RABGEF1: variants seen among roughly 807,000 people sequenced by gnomAD.
RABGEF1 encodes the protein RAB guanine nucleotide exchange factor 1, also known as rab5 GDP/GTP exchange factor.
RABGEF1 carries 26 observed loss-of-function variants against 57.3 expected under a neutral mutation model. The ratio of observed to expected loss-of-function variants is 0.45; its 90% CI spans 0.33 to 0.63. The LOEUF (loss-of-function observed/expected upper bound fraction) is 0.63. RABGEF1 is among the 20% of genes least tolerant of loss of function. The probability of loss-of-function intolerance (pLI) is 0.02; values close to 1 mark genes in which losing one functional copy is unlikely to be tolerated. For synonymous variants in RABGEF1, 185 were observed against 210.7 expected (o/e 0.88, Z 1.06); for missense variants, 464 against 607.6 (o/e 0.76, Z 2.48).
intron 1 of RABGEF1, among the ~76,000 whole-genome samples, chr7:66,683,842 G>A (rs564187122): frequency 1.3e-5 from 2 of 152,222 alleles, no homozygotes; most frequent in South Asian, 4.2e-4. Context: ...CTGGGCTCAA[G>A]TGAACCTCCC....
intron 7 of RABGEF1, among the ~76,000 whole-genome samples, chr7:66,802,257 G>C (rs184046899): frequency 6.6e-6 from 1 of 152,282 alleles, no homozygotes; most frequent in East Asian, 1.9e-4. Context: ...TAGAGGCCAA[G>C]GATTCTACTA....
intron 5 of RABGEF1, among the ~76,000 whole-genome samples, chr7:66,795,996 G>A (rs541721095): frequency 2.6e-5 from 4 of 152,242 alleles, no homozygotes; most frequent in Non-Finnish European, 4.4e-5. Context: ...AAAAGTAGCC[G>A]GGTGTTGTGG....
chr7:66,674,366 T>A, the RABGEF1 span, among the ~76,000 whole-genome samples: 4 of 152,006 alleles, frequency 2.6e-5, no homozygotes, highest in African/African-American at 9.7e-5. Flanking sequence ...ATTTTTTTTT[T>A]AAGTAGAGAT....
At chr7:66,692,636 T>C (rs890795091) in intron 1 of RABGEF1, among the ~76,000 whole-genome samples, 4 of 152,130 alleles carry the variant, frequency 2.6e-5, no homozygotes, top group African/African-American at 9.7e-5. Flanking sequence ...CCTCCAGTTC[T>C]AAGTGGTGGG....
chr7:66,655,824 G>A, the RABGEF1 span, among the ~76,000 whole-genome samples: 1 of 152,200 alleles, frequency 6.6e-6, no homozygotes, highest in Non-Finnish European at 1.5e-5. Flanking sequence ...GAAATGTTCA[G>A]GATTTGAATT....
intron 1 of RABGEF1, among the ~76,000 whole-genome samples, chr7:66,753,621 C>G (rs567892786): frequency 4.6e-5 from 7 of 151,438 alleles, no homozygotes; most frequent in African/African-American, 1.5e-4. Flanking sequence ...GTTTGAAGAG[C>G]TCTCCCTGGT....
intron 1 of RABGEF1, among the ~76,000 whole-genome samples, chr7:66,687,123 T>C: frequency 6.8e-6 from 1 of 147,816 alleles, no homozygotes; most frequent in Non-Finnish European, 1.5e-5. Flanking sequence ...CTTTTTTTTT[T>C]TTTTTTTTTT....
chr7:66,729,013 C>T (rs866169639), intron 2 of RABGEF1, among the ~76,000 whole-genome samples: 5 of 150,710 alleles, frequency 3.3e-5, no homozygotes, highest in African/African-American at 7.3e-5. Context: ...TGCAGTGGCG[C>T]GATCTCGACT....
the RABGEF1 span, among the ~76,000 whole-genome samples, chr7:66,668,044 G>A: frequency 5.3e-5 from 8 of 151,958 alleles, no homozygotes; most frequent in African/African-American, 1.2e-4. Context: ...GTGATCTACC[G>A]GCCTTGGCCT....
chr7:66,690,489 T>G (rs944553113), intron 1 of RABGEF1, among the ~76,000 whole-genome samples: 4 of 150,750 alleles, frequency 2.7e-5, no homozygotes, highest in Non-Finnish European at 5.9e-5. Context: ...CCAAGGCAGG[T>G]GGATCACTTG....
chr7:66,654,681 G>C, the RABGEF1 span: 4 of 152,650 alleles, frequency 2.6e-5, no homozygotes, highest in Admixed American at 2.6e-4. Context: ...TACGGGAGCG[G>C]GGCGGCCGGG....
chr7:66,660,120 G>T, the RABGEF1 span, among the ~76,000 whole-genome samples: 4 of 150,954 alleles, frequency 2.6e-5, no homozygotes, highest in Non-Finnish European at 4.4e-5. Flanking sequence ...GGCCAAGGCC[G>T]GCGGATCACG....
chr7:66,805,579 G>C (rs1788254825), intron 8 of RABGEF1, among the ~76,000 whole-genome samples, 183 bp downstream of exon 8: 3 of 152,210 alleles, frequency 2.0e-5, no homozygotes, highest in African/African-American at 2.4e-5. Flanking sequence ...CCGCCTCCCA[G>C]CACTTGATCA....
chr7:66,794,207 A>ATTTTTT (rs1174835014), intron 4 of RABGEF1, among the ~76,000 whole-genome samples: 17 of 91,074 alleles, frequency 1.9e-4, no homozygotes, highest in Admixed American at 3.4e-4. Flanking sequence ...TCCATGTTTA[A>ATTTTTT]TTTTTTTTTT....
At chr7:66,742,368 TGAG>T (rs1799188597) in intron 1 of RABGEF1, among the ~76,000 whole-genome samples, 1 of 152,150 alleles carries the variant, frequency 6.6e-6, no homozygotes, top group South Asian at 2.1e-4. Flanking sequence ...GTTAGCCAGT[TGAG>T]GAGAAGGGAC....
chr7:66,719,648 T>C (rs2117491629), intron 2 of RABGEF1, among the ~76,000 whole-genome samples: 1 of 152,354 alleles, frequency 6.6e-6, no homozygotes, highest in East Asian at 1.9e-4. Context: ...AGTAATTTTA[T>C]GAGGCCAGTG....
intron 4 of RABGEF1, among the ~76,000 whole-genome samples, chr7:66,788,727 C>T (rs1034774412): frequency 2.6e-5 from 4 of 152,036 alleles, no homozygotes; most frequent in Non-Finnish European, 5.9e-5. Context: ...GCTTGTAATC[C>T]TAGCACTTTG....
chr7:66,757,366 C>A (rs1382535396), intron 1 of RABGEF1, among the ~76,000 whole-genome samples: 1 of 152,098 alleles, frequency 6.6e-6, no homozygotes, highest in Non-Finnish European at 1.5e-5. Context: ...TTAAAGTTAG[C>A]CATTTTAAAG....
chr7:66,705,455 G>T (rs891138607), intron 1 of RABGEF1, among the ~76,000 whole-genome samples: 1 of 130,966 alleles, frequency 7.6e-6, no homozygotes, highest in African/African-American at 2.9e-5. Context: ...GAGAGAGAGA[G>T]AGAGAGAGAG....
Sources: allele counts gnomAD v4.1 joint callset (sites outside exome capture counted in the v4.1 genomes callset), GRCh38; gene constraint gnomAD v4.1.1; transcripts MANE v1.5; gene names NCBI Gene and HGNC (gene_info 2026-07-23, HGNC 2026-07-21).